Variants in MYT1 observed in about 807,000 individuals in gnomAD.
The protein encoded by MYT1 is myelin transcription factor 1.
Under a neutral mutation model 123.0 loss-of-function variants are expected in MYT1, and 23 were observed. The ratio of observed to expected loss-of-function variants is 0.19; its 90% CI spans 0.13 to 0.26. MYT1 has a LOEUF of 0.26. Among genes scored for constraint, MYT1 ranks in the 10% least tolerant of loss-of-function variants. The pLI, the probability that MYT1 is intolerant of heterozygous loss-of-function variation, is 1.00. For synonymous variants in MYT1, 518 were observed against 575.3 expected (o/e 0.90, Z 1.43); for missense variants, 1,125 against 1,472.5 (o/e 0.76, Z 3.86).
intron 1 of MYT1, among the ~76,000 whole-genome samples, chr20:64,179,967 ACACT>A (rs1254024984): frequency 1.5e-4 from 22 of 146,822 alleles, no homozygotes; most frequent in Admixed American, 5.5e-4. Flanking sequence ...ACACAGTTAC[ACACT>A]CACATGCTAC....
rs370038619 is a variant in MYT1, at chr20:64,180,074, TACAC to T, written c.-98-9983_-98-9980del. The stretch of plus-strand genomic sequence containing the variant: ...CACACAGTTACACACCACACGCAGT[TACAC>T]ACACATGCTACACACAGGTACATGC... On this transcript the variant is annotated intron_variant, in intron 1 of 22. Coordinates refer to ENST00000328439, the MANE Select transcript of MYT1 (RefSeq NM_004535.3). Among the ~76,000 whole-genome samples the T allele has an allele frequency of 7.9e-3, 1,162 of 147,632 alleles. 16 individuals are homozygous for T. Among genetic ancestry groups the T allele is most frequent in the African/African-American group, 0.028 (1,108 of 39,772 alleles).
At chr20:64,197,457 T>C (rs1983156616) in intron 2 of MYT1, among the ~76,000 whole-genome samples, 1 of 152,164 alleles carries the variant, frequency 6.6e-6, no homozygotes, top group African/African-American at 2.4e-5. Context: ...TTCTTTCCAC[T>C]CCCCTGCTTT....
intron 13 of MYT1, among the ~76,000 whole-genome samples, chr20:64,221,578 G>T (rs1048611001): frequency 6.6e-6 from 1 of 152,210 alleles, no homozygotes; most frequent in African/African-American, 2.4e-5. Context: ...TGATGTTTAC[G>T]CTGCGGAGTG....
In MYT1 at chr20:64,179,855, C is replaced by T. The variant is rs1193102388; in HGVS notation, c.-98-10208C>T. ...TGCTACACACACACAGTTACACACA[C>T]ATACTACACACAGGCTACACACAGT... On this transcript the variant is annotated intron_variant, in intron 1 of 22. Transcript: ENST00000328439. Among the ~76,000 whole-genome samples, 3 of 152,126 alleles carry T rather than the reference C, an allele frequency of 2.0e-5. No individual in the cohort carries two copies. The South Asian group carries it at 6.2e-4, about 32-fold the overall frequency.
rs887584323 is a variant in MYT1 at position 64,166,394 on chromosome 20, C to T, written c.-99+1655C>T. 1.3e-5 allele frequency among the ~76,000 whole-genome samples: 2 copies of T among 152,158 alleles called. No homozygotes were observed. Among genetic ancestry groups the T allele is most frequent in the Admixed American group, 6.5e-5 (1 of 15,282 alleles). On this transcript the variant is annotated intron_variant, in intron 1 of 22. Coordinates refer to ENST00000328439, the MANE Select transcript of MYT1 (RefSeq NM_004535.3). This position sits in a 1 kb window ranked among gnomAD's most constrained non-coding sequence, Gnocchi z 4.9. ...CCCCCCGACCCCCTGGGCACCTGGACGTTTGCCGAACTTCCCAGGGGTACT... is the reference window on the plus strand; with the variant it reads ...CCCCCCGACCCCCTGGGCACCTGGATGTTTGCCGAACTTCCCAGGGGTACT...
At chr20:64,215,078 C>T (rs956249909) in intron 10 of MYT1, among the ~76,000 whole-genome samples, 1 of 152,256 alleles carries the variant, frequency 6.6e-6, no homozygotes, top group African/African-American at 2.4e-5. Context: ...CTGGCTCTCA[C>T]AATGGTTTGA....
In MYT1 at chr20:64,166,999, T is replaced by C. The variant is rs189487174; in HGVS notation, c.-99+2260T>C. Among the ~76,000 whole-genome samples the C allele has an allele frequency of 6.6e-6, 1 of 152,136 alleles. No homozygotes were observed. The highest frequency in any genetic ancestry group is 2.4e-5 in the African/African-American group (1 of 41,504). On this transcript the variant is annotated intron_variant, in intron 1 of 22. Coordinates refer to ENST00000328439, the MANE Select transcript of MYT1 (RefSeq NM_004535.3). The surrounding 1 kb of genome is among the most constrained non-coding windows in gnomAD (Gnocchi z 4.9). ...GGTGCTGCTCAGAGACTCACTCCCT[T>C]CCTCTCTGGCCTGGGGTCACTGAAT...
rs756595400 is a variant in MYT1 at position 64,218,106 on chromosome 20, T to C, written c.1847-805T>C. Among the ~76,000 whole-genome samples, 6 of 152,212 alleles carry C rather than the reference T, an allele frequency of 3.9e-5. No homozygotes were observed. Among genetic ancestry groups the C allele is most frequent in the Non-Finnish European group, 5.9e-5 (4 of 68,040 alleles). Reference sequence around the variant, plus strand: ...CGGCTGCCAGTGGGGTGTGAGCCTCTCTTCCTAACTTTGACAGAACCTGCT... The same window carrying C: ...CGGCTGCCAGTGGGGTGTGAGCCTCCCTTCCTAACTTTGACAGAACCTGCT... On this transcript the variant is annotated intron_variant, in intron 11 of 22. Coordinates refer to ENST00000328439, the MANE Select transcript of MYT1 (RefSeq NM_004535.3). The surrounding 1 kb of genome is among the most constrained non-coding windows in gnomAD (Gnocchi z 4.0).
Position 64,240,721 on chromosome 20 carries a change from C to A in MYT1, c.*273C>A. 1 of 368,686 alleles carries A rather than the reference C, an allele frequency of 2.7e-6. No homozygotes were observed. Among genetic ancestry groups the A allele is most frequent in the Non-Finnish European group, 4.9e-6 (1 of 204,866 alleles). 22.8% of individuals were successfully genotyped at this position (368,686 alleles called of 1,614,324 possible). A position where few individuals can be genotyped will look rare whatever the true frequency, so the allele number is the denominator to read the frequency against. Reference sequence around the variant, plus strand: ...TTTCTGAAAGAAATCTGAAGAGCAGCTCAAAGTCTCCAGTGGAAGCTCATG... The same window carrying A: ...TTTCTGAAAGAAATCTGAAGAGCAGATCAAAGTCTCCAGTGGAAGCTCATG... On this transcript the variant is annotated 3_prime_UTR_variant, in exon 23 of 23. Transcript: ENST00000328439.
In MYT1 at chr20:64,166,220, TA is replaced by T. The variant is rs1982078994; in HGVS notation, c.-99+1482del. Among the ~76,000 whole-genome samples, 1 of 152,174 alleles carries T rather than the reference TA, an allele frequency of 6.6e-6. No homozygotes were observed. The highest frequency in any genetic ancestry group is 1.5e-5 in the Non-Finnish European group (1 of 68,024). On this transcript the variant is annotated intron_variant, in intron 1 of 22. Transcript: ENST00000328439. The surrounding 1 kb of genome is among the most constrained non-coding windows in gnomAD (Gnocchi z 4.9). Reference sequence around the variant, plus strand: ...GTACCAGCCAGGGTGCTGCTATCAGTAGAGGCAGGACCCTGCCCTGTCTCCC... The same window carrying T: ...GTACCAGCCAGGGTGCTGCTATCAGTGAGGCAGGACCCTGCCCTGTCTCCC...
chr20:64,235,716 G>T (rs1984505146), intron 19 of MYT1, among the ~76,000 whole-genome samples: 1 of 127,372 alleles, frequency 7.9e-6, no homozygotes, highest in Non-Finnish European at 1.6e-5. Flanking sequence ...GGCTGGCCGT[G>T]GTGGGTGACC....
At position 64,221,955 on chromosome 20, in the gene MYT1, G is replaced by T. The variant is rs1392762256; in HGVS notation, c.2304G>T (p.Glu768Asp). 1.2e-6 allele frequency: 2 copies of T among 1,613,738 alleles called. No individual in the cohort carries two copies. Among genetic ancestry groups the T allele is most frequent in the Non-Finnish European group, 1.7e-6 (2 of 1,180,052 alleles). Residue 768 changes from glutamate (E) to aspartate (D), a missense_variant, in exon 14 of 23, where the codon GAG becomes GAT. Coordinates refer to ENST00000328439, the MANE Select transcript of MYT1 (RefSeq NM_004535.3). ...SEADDQEVSEENFEERKYPGE... is the reference protein window; with the variant it reads ...SEADDQEVSEDNFEERKYPGE... ...CAGATGACCAGGAAGTGTCGGAAGA[G>T]AATTTTGAGGAGCGGAAGTATCCGG...
At chr20:64,233,309 T>C (rs559180251) in intron 19 of MYT1, among the ~76,000 whole-genome samples, 1 of 188 alleles carries the variant, frequency 5.3e-3, no homozygotes. Flanking sequence ...TCCCCTCCCC[T>C]TCCCCTCCCC....
At chr20:64,211,949 A>T in intron 8 of MYT1, 99 bp from the exon 9 acceptor site, 1 of 978,562 alleles carries the variant, frequency 1.0e-6, no homozygotes, top group Non-Finnish European at 1.6e-6. Flanking sequence ...GCCTTTGGAC[A>T]AGGCTCCTGC....
At position 64,213,705 on chromosome 20, in the gene MYT1, T is replaced by C; in HGVS notation, c.1631+58T>C. 1 of 1,418,846 alleles carries C rather than the reference T, an allele frequency of 7.0e-7. No homozygotes were observed. Among genetic ancestry groups the C allele is most frequent in the Non-Finnish European group, 9.9e-7 (1 of 1,007,656 alleles). 87.9% of individuals were successfully genotyped at this position (1,418,846 alleles called of 1,614,324 possible). A position where few individuals can be genotyped will look rare whatever the true frequency, so the allele number is the denominator to read the frequency against. On this transcript the variant is annotated intron_variant, in intron 10 of 22. Transcript: ENST00000328439. The surrounding 1 kb of genome is among the most constrained non-coding windows in gnomAD (Gnocchi z 5.6). ...TGCCTCCCAAATGCCTGCAGAGGGC[T>C]TCTCAGTCTCCCGCAGGCTGTATGT... is the stretch of plus-strand genomic sequence containing the variant.
At chr20:64,229,152 C>T (rs35755421) in intron 18 of MYT1, among the ~76,000 whole-genome samples, 6,219 of 152,224 alleles carry the variant, frequency 0.041, 187 homozygotes, top group Middle Eastern at 0.19. Context: ...TTAATTTTTA[C>T]AATAAAACTG....
At chr20:64,205,138 A>G (rs1392752995) in intron 5 of MYT1, 41 bp downstream of exon 5, 1 of 1,604,368 alleles carries the variant, frequency 6.2e-7, no homozygotes, top group Admixed American at 1.7e-5. Context: ...CCTGGGCGGT[A>G]GATTTGGAGC....
At chr20:64,169,059 GC>G (rs1982166068) in intron 1 of MYT1, among the ~76,000 whole-genome samples, 1 of 152,214 alleles carries the variant, frequency 6.6e-6, no homozygotes, top group Non-Finnish European at 1.5e-5. Context: ...CAGAGGAGGA[GC>G]GTGAGAAGAG....
At chr20:64,165,875 C>T (rs376882619) in intron 1 of MYT1, among the ~76,000 whole-genome samples, 40 of 152,050 alleles carry the variant, frequency 2.6e-4, no homozygotes, top group African/African-American at 7.2e-4. Flanking sequence ...ACACCTCTAA[C>T]GCCAGTGGCT....
Sources: gnomAD v4.1 joint callset for allele counts (sites outside exome capture counted in the v4.1 genomes callset) on GRCh38, gnomAD v4.1.1 for gene constraint, Gnocchi (gnomAD v3.1) non-coding constraint, MANE v1.5 for transcripts, NCBI Gene and HGNC (gene_info 2026-07-23, HGNC 2026-07-21) for gene names.